The following TMEM38A variants were observed in gnomAD, a reference collection of about 807,000 sequenced individuals.
TMEM38A encodes the protein transmembrane protein 38A, also known as trimeric intracellular cation channel type A.
Under a neutral mutation model 28.6 loss-of-function variants are expected in TMEM38A, and 17 were observed. The observed-to-expected ratio is 0.60, with a 90% CI of 0.41 to 0.89. The LOEUF is 0.89. Ranked by LOEUF, TMEM38A falls within the 40% of genes least tolerant of loss-of-function variation. The probability of loss-of-function intolerance (pLI) is 0.00; values close to 1 mark genes in which losing one functional copy is unlikely to be tolerated. For synonymous variants in TMEM38A, 169 were observed against 166.1 expected (o/e 1.02, Z -0.14); for missense variants, 328 against 393.1 (o/e 0.83, Z 1.40).
intron 1 of TMEM38A, among the ~76,000 whole-genome samples, chr19:16,679,115 C>T (rs907976577): frequency 6.0e-5 from 9 of 149,296 alleles, no homozygotes; most frequent in Non-Finnish European, 1.0e-4. Flanking sequence ...CACCATTGCA[C>T]TCCAGCCTGG....
chr19:16,687,749 C>T (rs1490897548), intron 5 of TMEM38A, among the ~76,000 whole-genome samples: 1 of 152,148 alleles, frequency 6.6e-6, no homozygotes, highest in Non-Finnish European at 1.5e-5. Context: ...GATCTAATTA[C>T]CCCTCCAAAG....
At chr19:16,664,354 T>C (rs1191873771) in intron 1 of TMEM38A, among the ~76,000 whole-genome samples, 6 of 151,954 alleles carry the variant, frequency 3.9e-5, no homozygotes, top group Non-Finnish European at 8.8e-5. Flanking sequence ...GAGACGGAGG[T>C]TGCAGTGAGC....
rs762049216 is a variant in TMEM38A at position 16,686,311 on chromosome 19, G to A, written c.578G>A (p.Gly193Glu). Residue 193 changes from glycine (G) to glutamate (E), a missense_variant, in exon 5 of 6, where the codon GGA becomes GAA. Physicochemically the swap from Gly to Glu is moderately conservative, Grantham distance 98 (BLOSUM62 -2). Coordinates refer to ENST00000187762, the MANE Select transcript of TMEM38A (RefSeq NM_024074.4). ...MSFPTKASLY[G>E]AILFTLQQTR... ...AGCCCCACCAAGGCCAGCCTGTATG[G>A]AGCCATCCTCTTCACCCTCCAGCAG... 1 of 1,612,704 alleles carries A rather than the reference G, an allele frequency of 6.2e-7. No homozygotes were observed. Among genetic ancestry groups the A allele is most frequent in the African/African-American group, 1.3e-5 (1 of 74,898 alleles).
At chr19:16,684,107 G>A (rs1275547461) in intron 4 of TMEM38A, among the ~76,000 whole-genome samples, 2 of 147,514 alleles carry the variant, frequency 1.4e-5, no homozygotes, top group African/African-American at 2.7e-5. Flanking sequence ...TTCAGCCTGG[G>A]CAATAGAGCA....
intron 5 of TMEM38A, among the ~76,000 whole-genome samples, chr19:16,687,448 G>C (rs1004330967): frequency 3.3e-5 from 5 of 152,248 alleles, no homozygotes; most frequent in African/African-American, 1.2e-4. Context: ...TTGAACCCAG[G>C]AGGTGGAGGC....
chr19:16,679,744 T>A (rs1169854274), intron 1 of TMEM38A, among the ~76,000 whole-genome samples: 1 of 152,162 alleles, frequency 6.6e-6, no homozygotes, highest in African/African-American at 2.4e-5. Context: ...TGAACTAGTG[T>A]CATCATCATT....
chr19:16,671,521 T>G (rs2086727604), intron 1 of TMEM38A, among the ~76,000 whole-genome samples: 1 of 152,002 alleles, frequency 6.6e-6, no homozygotes, highest in African/African-American at 2.4e-5. Context: ...CATCTTGGTC[T>G]TTTGACAGTG....
chr19:16,689,174 C>T lies in TMEM38A; in HGVS notation c.*803C>T, dbSNP rs2086815250. ...GACATTTTCACGTGGCCAGAAAGTCCCGACTCTTGCTGGGCGTCCCTGGAC... is the reference window on the plus strand; with the variant it reads ...GACATTTTCACGTGGCCAGAAAGTCTCGACTCTTGCTGGGCGTCCCTGGAC... On this transcript the variant is annotated 3_prime_UTR_variant, in exon 6 of 6. Transcript: ENST00000187762. 6.6e-6 allele frequency: 1 copy of T among 152,212 alleles called. No individual in the cohort carries two copies. Among genetic ancestry groups the T allele is most frequent in the Non-Finnish European group, 1.5e-5 (1 of 68,114 alleles). 9.4% of individuals were successfully genotyped at this position (152,212 alleles called of 1,614,324 possible). A position where few individuals can be genotyped will look rare whatever the true frequency, so the allele number is the denominator to read the frequency against.
At chr19:16,675,461 T>G (rs950197687) in intron 1 of TMEM38A, among the ~76,000 whole-genome samples, 2 of 151,848 alleles carry the variant, frequency 1.3e-5, no homozygotes, top group African/African-American at 4.8e-5. Context: ...CTGGAACTCC[T>G]AGGCTCAAGA....
intron 1 of TMEM38A, among the ~76,000 whole-genome samples, chr19:16,677,528 G>A (rs1473028769): frequency 6.6e-6 from 1 of 151,586 alleles, no homozygotes; most frequent in Non-Finnish European, 1.5e-5. Flanking sequence ...GTAGAGATGG[G>A]GTCTCACTGT....
At chr19:16,674,517 A>C (rs1157858900) in intron 1 of TMEM38A, among the ~76,000 whole-genome samples, 1 of 149,578 alleles carries the variant, frequency 6.7e-6, no homozygotes, top group Non-Finnish European at 1.5e-5. Flanking sequence ...CCAGGACCCA[A>C]GGCCGGGCGC....
intron 2 of TMEM38A, 127 bp downstream of exon 2, chr19:16,680,267 C>A: frequency 3.4e-6 from 5 of 1,476,162 alleles, no homozygotes; most frequent in Non-Finnish European, 3.7e-6. Context: ...CCTGAATATG[C>A]TGCCCTCCAT....
chr19:16,663,230 G>A (rs1463964106), intron 1 of TMEM38A, among the ~76,000 whole-genome samples: 7 of 151,196 alleles, frequency 4.6e-5, no homozygotes, highest in East Asian at 4.0e-4. Flanking sequence ...GCAGTGAGCC[G>A]AGATCACGCC....
intron 1 of TMEM38A, among the ~76,000 whole-genome samples, chr19:16,670,915 G>A (rs1387989228): frequency 6.6e-6 from 1 of 152,034 alleles, no homozygotes; most frequent in Non-Finnish European, 1.5e-5. Context: ...CTCCAGCCTG[G>A]GCGACAGAGC....
chr19:16,672,012 T>G (rs1344716171), intron 1 of TMEM38A, among the ~76,000 whole-genome samples: 2 of 152,148 alleles, frequency 1.3e-5, no homozygotes, highest in Admixed American at 1.3e-4. Flanking sequence ...CCAGTTGTGT[T>G]TTAAATAGAC....
intron 1 of TMEM38A, among the ~76,000 whole-genome samples, chr19:16,662,991 C>G (rs2086688657): frequency 6.6e-6 from 1 of 151,906 alleles, no homozygotes. Flanking sequence ...CTTAGAAAAT[C>G]TGAAACTGGC....
At chr19:16,684,078 C>G (rs548722388) in intron 4 of TMEM38A, among the ~76,000 whole-genome samples, 1 of 151,442 alleles carries the variant, frequency 6.6e-6, no homozygotes, top group African/African-American at 2.4e-5. Flanking sequence ...TGCTGTGATC[C>G]GAGATCCTGC....
Position 16,686,300 on chromosome 19 carries a change from C to T in TMEM38A, c.567C>T (p.Ala189=). The change falls in exon 5 of 6, where the codon GCC becomes GCT. Residue 189 remains alanine (A), a synonymous_variant. Coordinates refer to ENST00000187762, the MANE Select transcript of TMEM38A (RefSeq NM_024074.4). The stretch of plus-strand genomic sequence containing the variant: ...CTGCTCCCTCCAGCCCCACCAAGGC[C>T]AGCCTGTATGGAGCCATCCTCTTCA... ...EILHMSFPTK[A]SLYGAILFTL... is the part of the protein sequence containing the mutation. 6.2e-7 allele frequency: 1 copy of T among 1,612,448 alleles called. No homozygotes were observed. Among genetic ancestry groups the T allele is most frequent in the Non-Finnish European group, 8.5e-7 (1 of 1,179,902 alleles).
At chr19:16,671,156 C>A (rs1271612404) in intron 1 of TMEM38A, among the ~76,000 whole-genome samples, 3 of 150,510 alleles carry the variant, frequency 2.0e-5, no homozygotes, top group African/African-American at 7.4e-5. Context: ...TGTCCCAAAC[C>A]CATCAAGAGA....
Sources: gnomAD v4.1 joint callset for allele counts (sites outside exome capture counted in the v4.1 genomes callset) on GRCh38, gnomAD v4.1.1 for gene constraint, MANE v1.5 for transcripts, NCBI Gene and HGNC (gene_info 2026-07-23, HGNC 2026-07-21) for gene names.